Variants in LRP1B observed in about 807,000 individuals in gnomAD.
LRP1B encodes the protein LDL receptor related protein 1B.
LRP1B carries 217 observed loss-of-function variants against 556.6 expected under a neutral mutation model. The ratio of observed to expected loss-of-function variants is 0.39; its 90% CI spans 0.35 to 0.44. The LOEUF (loss-of-function observed/expected upper bound fraction) is 0.44. Ranked by LOEUF, LRP1B falls within the 20% of genes least tolerant of loss-of-function variation. LRP1B has a pLI of 1.00. For synonymous variants in LRP1B, 2,047 were observed against 1,865.8 expected (o/e 1.10, Z -2.50); for missense variants, 5,053 against 5,620.8 (o/e 0.90, Z 3.23).
At chr2:141,954,432 T>G (rs1372210548) in intron 1 of LRP1B, among the ~76,000 whole-genome samples, 2 of 152,106 alleles carry the variant, frequency 1.3e-5, no homozygotes, top group Admixed American at 1.3e-4. Context: ...GAGTGTGTAT[T>G]GAACTCACAT....
intron 20 of LRP1B, among the ~76,000 whole-genome samples, chr2:140,924,411 T>A (rs947113712): frequency 6.6e-6 from 1 of 152,096 alleles, no homozygotes; most frequent in African/African-American, 2.4e-5. Flanking sequence ...TTTAGTTCTT[T>A]ATTTTTTCTT....
intron 7 of LRP1B, among the ~76,000 whole-genome samples, chr2:141,147,925 T>G (rs1701826882): frequency 6.6e-6 from 1 of 152,192 alleles, no homozygotes; most frequent in South Asian, 2.1e-4. Flanking sequence ...GTCTACAGCA[T>G]TCAATACAGT....
At chr2:141,726,859 T>C (rs998908336) in intron 2 of LRP1B, among the ~76,000 whole-genome samples, 2 of 152,100 alleles carry the variant, frequency 1.3e-5, no homozygotes, top group African/African-American at 2.4e-5. Context: ...GCCTGACAAA[T>C]TGAAGATGAA....
intron 1 of LRP1B, among the ~76,000 whole-genome samples, chr2:141,941,495 C>T (rs1055070690): frequency 6.6e-6 from 1 of 152,154 alleles, no homozygotes; most frequent in Non-Finnish European, 1.5e-5. Flanking sequence ...TTCACCTATT[C>T]CTTGTTGAAG....
At chr2:141,231,155 GAGC>G (rs1683444273) in intron 5 of LRP1B, among the ~76,000 whole-genome samples, 1 of 152,324 alleles carries the variant, frequency 6.6e-6, no homozygotes, top group Non-Finnish European at 1.5e-5. Flanking sequence ...AACTGAAGCT[GAGC>G]ACTGTAAAGG....
intron 35 of LRP1B, among the ~76,000 whole-genome samples, chr2:140,748,784 A>ATTATATACATGTATATAATATG (rs1559094627): frequency 2.3e-5 from 1 of 43,066 alleles, no homozygotes; most frequent in African/African-American, 6.5e-5. Context: ...ATATGTATAT[A>ATTATATACATGTATATAATATG]ATATATATTA....
chr2:141,403,165 G>A (rs1690506576), intron 3 of LRP1B, among the ~76,000 whole-genome samples: 1 of 151,962 alleles, frequency 6.6e-6, no homozygotes, highest in South Asian at 2.1e-4. Context: ...CAAAAAATAA[G>A]CTACTGTCAC....
At chr2:141,791,427 T>A (rs1036586856) in intron 2 of LRP1B, among the ~76,000 whole-genome samples, 1 of 152,008 alleles carries the variant, frequency 6.6e-6, no homozygotes, top group African/African-American at 2.4e-5. Flanking sequence ...AGATAAGTAT[T>A]TAAAAACTTT....
At chr2:141,271,343 A>T (rs1685082065) in intron 3 of LRP1B, among the ~76,000 whole-genome samples, 1 of 151,806 alleles carries the variant, frequency 6.6e-6, no homozygotes, top group Admixed American at 6.6e-5. Flanking sequence ...CATTAAAAAA[A>T]AAACACAAAA....
intron 7 of LRP1B, among the ~76,000 whole-genome samples, chr2:141,067,350 G>T (rs891048815): frequency 2.0e-5 from 3 of 151,890 alleles, no homozygotes; most frequent in South Asian, 2.1e-4. Flanking sequence ...AAGCTATTTT[G>T]TCTGTCTGGC....
At chr2:141,685,583 A>C (rs931905081) in intron 2 of LRP1B, among the ~76,000 whole-genome samples, 39 of 152,072 alleles carry the variant, frequency 2.6e-4, no homozygotes, top group Non-Finnish European at 4.0e-4. Context: ...AGATTTTATT[A>C]TAAGAAGATT....
intron 32 of LRP1B, among the ~76,000 whole-genome samples, chr2:140,783,835 A>AC (rs1331049371): frequency 1.3e-5 from 2 of 152,166 alleles, no homozygotes; most frequent in Non-Finnish European, 2.9e-5. Flanking sequence ...CAAAAGGATT[A>AC]CCCCCCAGGA....
chr2:141,556,195 A>G (rs944627162), intron 2 of LRP1B, among the ~76,000 whole-genome samples: 1 of 151,874 alleles, frequency 6.6e-6, no homozygotes, highest in African/African-American at 2.4e-5. Flanking sequence ...CCAGGGTTAC[A>G]TTAGGTAAAA....
intron 3 of LRP1B, among the ~76,000 whole-genome samples, chr2:141,258,204 C>G (rs550650041): frequency 6.6e-6 from 1 of 152,210 alleles, no homozygotes; most frequent in South Asian, 2.1e-4. Flanking sequence ...GAGAAGCTGT[C>G]GCTGGAAGTG....
chr2:141,928,345 G>A (rs1002860259), intron 1 of LRP1B, among the ~76,000 whole-genome samples: 4 of 152,174 alleles, frequency 2.6e-5, no homozygotes, highest in Middle Eastern at 3.4e-3. Context: ...ACAGAAGTAC[G>A]CAAATATTTT....
chr2:140,276,623 G>A (rs1253198739), intron 84 of LRP1B, among the ~76,000 whole-genome samples: 1 of 151,888 alleles, frequency 6.6e-6, no homozygotes, highest in Non-Finnish European at 1.5e-5. Context: ...CTTTAGGCAG[G>A]TTGCAAGATA....
intron 2 of LRP1B, among the ~76,000 whole-genome samples, chr2:141,762,248 T>C (rs1448971214): frequency 6.6e-6 from 1 of 151,720 alleles, no homozygotes; most frequent in African/African-American, 2.4e-5. Flanking sequence ...AGTATTTCAA[T>C]AAGCAAAGAC....
intron 67 of LRP1B, among the ~76,000 whole-genome samples, chr2:140,381,806 G>C (rs912384188): frequency 7.0e-6 from 1 of 143,622 alleles, no homozygotes; most frequent in African/African-American, 2.6e-5. Context: ...AGGTTGCAGT[G>C]AGTCAAGATT....
intron 2 of LRP1B, among the ~76,000 whole-genome samples, chr2:141,658,203 G>A (rs1012406481): frequency 6.6e-6 from 1 of 152,202 alleles, no homozygotes; most frequent in African/African-American, 2.4e-5. Flanking sequence ...AGATCAACAA[G>A]TAGCTTTCAG....
Sources: gnomAD v4.1 joint callset for allele counts (sites outside exome capture counted in the v4.1 genomes callset) on GRCh38, gnomAD v4.1.1 for gene constraint, MANE v1.5 for transcripts, NCBI Gene and HGNC (gene_info 2026-07-23, HGNC 2026-07-21) for gene names.